The following GRID2 variants were observed in gnomAD, a reference collection of about 807,000 sequenced individuals.
GRID2 encodes the protein glutamate ionotropic receptor delta type subunit 2.
In GRID2, 33 loss-of-function variants were observed where a neutral mutation model predicts 114.8. That is an observed-to-expected ratio of 0.29 (90% CI 0.22 to 0.38). The LOEUF (loss-of-function observed/expected upper bound fraction) is 0.38, where lower values mean the gene tolerates loss of function less well. Ranked by LOEUF, GRID2 falls within the 10% of genes least tolerant of loss-of-function variation. The probability of loss-of-function intolerance (pLI) is 1.00; values close to 1 mark genes in which losing one functional copy is unlikely to be tolerated. For missense variants in GRID2, 1,184 were observed against 1,257.7 expected (o/e 0.94, Z 0.89); for synonymous variants, 505 against 449.9 (o/e 1.12, Z -1.55).
At chr4:92,482,786 T>C (rs895894647) in intron 1 of GRID2, among the ~76,000 whole-genome samples, 11 of 152,206 alleles carry the variant, frequency 7.2e-5, no homozygotes, top group African/African-American at 2.7e-4. Flanking sequence ...ATGTTACTAA[T>C]TAATTCTTCA....
chr4:92,517,933 C>A (rs1024071608), intron 1 of GRID2, among the ~76,000 whole-genome samples: 1 of 151,712 alleles, frequency 6.6e-6, no homozygotes, highest in Non-Finnish European at 1.5e-5. Flanking sequence ...CCAAAAAAAC[C>A]CACTGTATTG....
In GRID2 at chr4:93,607,934, G is replaced by A. The variant is rs78084725; in HGVS notation, c.2194-18335G>A. On this transcript the variant is annotated intron_variant, in intron 13 of 15. Transcript: ENST00000282020. ...TAAACATTAACTGTTTGTCCCCCAT[G>A]TTCCAATTTTTTCCAAATTTGTCAG... Among the ~76,000 whole-genome samples, 816 of 151,860 alleles carry A rather than the reference G, an allele frequency of 5.4e-3. 11 individuals are homozygous for A. The highest frequency in any genetic ancestry group is 0.019 in the African/African-American group (775 of 41,450).
At chr4:93,121,713 T>C (rs966025868) in intron 4 of GRID2, among the ~76,000 whole-genome samples, 30 of 152,328 alleles carry the variant, frequency 2.0e-4, no homozygotes, top group Admixed American at 1.2e-3. Context: ...TGCTAGCTGA[T>C]GCTGCCAGTT....
chr4:93,042,293 CTCTCTCTA>C (rs1328441324), intron 2 of GRID2, among the ~76,000 whole-genome samples: 45 of 86,522 alleles, frequency 5.2e-4, no homozygotes, highest in Middle Eastern at 7.2e-3. Flanking sequence ...CTCTCTCTCT[CTCTCTCTA>C]TATATATATA....
intron 1 of GRID2, among the ~76,000 whole-genome samples, chr4:92,328,952 T>A (rs1579187893): frequency 6.6e-6 from 1 of 152,052 alleles, no homozygotes; most frequent in South Asian, 2.1e-4. Context: ...AGATTGGACT[T>A]GAAGCTGGAA....
At chr4:92,626,664 G>A (rs1203755248) in intron 2 of GRID2, among the ~76,000 whole-genome samples, 1 of 151,986 alleles carries the variant, frequency 6.6e-6, no homozygotes, top group Non-Finnish European at 1.5e-5. Context: ...GCTTTCCCAA[G>A]TATTTTACAA....
chr4:92,639,991 C>G (rs12647044), intron 2 of GRID2, among the ~76,000 whole-genome samples: 7,140 of 151,716 alleles, frequency 0.047, 209 homozygotes, highest in East Asian at 0.095. Flanking sequence ...ACAGACACTT[C>G]GGCTGAAATG....
chr4:92,841,161 A>G (rs984174925), intron 2 of GRID2, among the ~76,000 whole-genome samples: 2 of 152,086 alleles, frequency 1.3e-5, no homozygotes, highest in African/African-American at 4.8e-5. Flanking sequence ...ACCACATAAT[A>G]GAACAAGTTA....
chr4:92,558,981 C>T lies in GRID2; in HGVS notation c.89-31150C>T, dbSNP rs898788844. Among the ~76,000 whole-genome samples the T allele has an allele frequency of 4.6e-5, 7 of 152,178 alleles. No homozygotes were observed. In the South Asian group the frequency reaches 1.2e-3, roughly 27 times the overall value. On this transcript the variant is annotated intron_variant, in intron 1 of 15. Transcript: ENST00000282020. ...AATTTACTGTGACTGGAAACCTATTCCATATTTATTTCACTATTAACTGTT... is the reference window on the plus strand; with the variant it reads ...AATTTACTGTGACTGGAAACCTATTTCATATTTATTTCACTATTAACTGTT...
intron 2 of GRID2, among the ~76,000 whole-genome samples, chr4:92,971,908 T>G (rs774666240): frequency 1.3e-5 from 2 of 152,174 alleles, no homozygotes; most frequent in Non-Finnish European, 2.9e-5. Flanking sequence ...ATTGTGTATA[T>G]GTACCACATT....
intron 1 of GRID2, among the ~76,000 whole-genome samples, chr4:92,495,022 T>A (rs930632288): frequency 6.6e-6 from 1 of 152,040 alleles, no homozygotes; most frequent in Non-Finnish European, 1.5e-5. Context: ...TATCAAACTT[T>A]GTTCAAATAT....
intron 14 of GRID2, among the ~76,000 whole-genome samples, chr4:93,668,722 G>T (rs1724151974): frequency 6.6e-6 from 1 of 152,056 alleles, no homozygotes; most frequent in Non-Finnish European, 1.5e-5. Context: ...GCCAGGACAG[G>T]ACTTAAAAGG....
chr4:93,567,078 A>T (rs1735499562), intron 13 of GRID2, among the ~76,000 whole-genome samples: 1 of 152,142 alleles, frequency 6.6e-6, no homozygotes, highest in Admixed American at 6.5e-5. Context: ...GACCTTTTGA[A>T]TCAGGATGTC....
At chr4:93,728,542 G>T (rs1182679594) in intron 14 of GRID2, among the ~76,000 whole-genome samples, 1 of 152,114 alleles carries the variant, frequency 6.6e-6, no homozygotes, top group Non-Finnish European at 1.5e-5. Context: ...GGGTATCCTT[G>T]TTAACTTTCT....
At chr4:92,438,695 G>A (rs80356235) in intron 1 of GRID2, among the ~76,000 whole-genome samples, 21,484 of 151,914 alleles carry the variant, frequency 0.14, 1,838 homozygotes, top group South Asian at 0.21. Context: ...TATTTAACTA[G>A]TGTCTTCTTT....
chr4:93,718,737 A>T (rs1218540630), intron 14 of GRID2, among the ~76,000 whole-genome samples: 4 of 152,200 alleles, frequency 2.6e-5, no homozygotes, highest in African/African-American at 9.6e-5. Flanking sequence ...ATCCGTAGGA[A>T]TCAATGCAGT....
intron 4 of GRID2, among the ~76,000 whole-genome samples, chr4:93,145,645 T>A (rs13133714): frequency 2.5e-4 from 6 of 23,886 alleles, no homozygotes; most frequent in Admixed American, 7.2e-4. Context: ...TCTTTTTTCC[T>A]TTTTTTTTTT....
intron 2 of GRID2, among the ~76,000 whole-genome samples, chr4:93,062,433 A>G (rs1727889462): frequency 6.6e-6 from 1 of 152,146 alleles, no homozygotes; most frequent in Non-Finnish European, 1.5e-5. Context: ...CTTATCTCTT[A>G]TATAATGTCT....
chr4:93,257,839 C>T lies in GRID2; in HGVS notation c.1245+19349C>T, dbSNP rs573539977. Among the ~76,000 whole-genome samples the T allele has an allele frequency of 1.5e-4, 22 of 150,922 alleles. No homozygotes were observed. The South Asian group carries it at 2.3e-3, about 16-fold the overall frequency. ...TCCTAATTTATTCCTACTTCAGCAA[C>T]GCATAGGAATAAAATATAATTTTAT... On this transcript the variant is annotated intron_variant, in intron 8 of 15. Transcript: ENST00000282020.
Sources: allele counts gnomAD v4.1 joint callset (sites outside exome capture counted in the v4.1 genomes callset), GRCh38; gene constraint gnomAD v4.1.1; transcripts MANE v1.5; gene names NCBI Gene and HGNC (gene_info 2026-07-23, HGNC 2026-07-21).